Variants in ANKRD54 observed in about 807,000 individuals in gnomAD.
The protein encoded by ANKRD54 is ankyrin repeat domain 54, also known as ankyrin repeat domain-containing protein 54.
In ANKRD54, 26 loss-of-function variants were observed where a neutral mutation model predicts 36.2. That is an observed-to-expected ratio of 0.72 (90% CI 0.53 to 1.00). The LOEUF (loss-of-function observed/expected upper bound fraction) is 1.00, where lower values mean the gene tolerates loss of function less well. ANKRD54 is among the 50% of genes least tolerant of loss of function. The pLI is 0.00. For synonymous variants in ANKRD54, 209 were observed against 188.4 expected (o/e 1.11, Z -0.89); for missense variants, 384 against 424.3 (o/e 0.91, Z 0.83).
intron 3 of ANKRD54, among the ~76,000 whole-genome samples, chr22:37,837,724 C>T (rs1923725578): frequency 6.6e-6 from 1 of 152,220 alleles, no homozygotes; most frequent in Non-Finnish European, 1.5e-5. Flanking sequence ...TGCAGTGGCT[C>T]ACGCCTGTAA....
At position 37,833,067 on chromosome 22, in the gene ANKRD54, G is replaced by A. The variant is rs1322435236; in HGVS notation, c.611C>T (p.Ala204Val). The change falls in exon 6 of 8, where the codon GCC (alanine) becomes GTC (valine). Residue 204 changes from alanine to valine, a missense_variant. This residue lies in a region of ANKRD54 where 179 missense variants were observed against 224.0 expected (regional missense o/e 0.80). Transcript: ENST00000215941. ...TLLRGGARVD[A>V]LDRAGRTPLH... Reference sequence around the variant, plus strand: ...GGGTGTGCGACCAGCTCGGTCCAGGGCATCTACACGGGCCCCTGCAGGTAC... The same window carrying A: ...GGGTGTGCGACCAGCTCGGTCCAGGACATCTACACGGGCCCCTGCAGGTAC... The A allele has an allele frequency of 6.2e-7, 1 of 1,613,730 alleles. No individual in the cohort carries two copies. The highest frequency in any genetic ancestry group is 8.5e-7 in the Non-Finnish European group (1 of 1,179,880).
In ANKRD54 at chr22:37,831,753, G is replaced by T. The variant is rs770103583; in HGVS notation, c.*190C>A. The T allele has an allele frequency of 5.1e-6, 3 of 592,956 alleles. No homozygotes were observed. The highest frequency in any genetic ancestry group is 6.0e-6 in the Non-Finnish European group (2 of 334,062). 36.7% of individuals were successfully genotyped at this position (592,956 alleles called of 1,614,324 possible). A position where few individuals can be genotyped will look rare whatever the true frequency, so the allele number is the denominator to read the frequency against. On this transcript the variant is annotated 3_prime_UTR_variant, in exon 8 of 8. Coordinates refer to ENST00000215941, the MANE Select transcript of ANKRD54 (RefSeq NM_138797.4). ...GTGGTCCCTGTCCACAGAGATGCTG[G>T]AAACTGTGGCTGGGAGTGGCTCTGA...
Position 37,832,347 on chromosome 22 carries a change from T to G in ANKRD54, c.828+290A>C, listed in dbSNP as rs544136549. Among the ~76,000 whole-genome samples the G allele has an allele frequency of 4.0e-5, 6 of 151,852 alleles. No individual in the cohort carries two copies. In the East Asian group the frequency reaches 5.8e-4, roughly 15 times the overall value. ...AGGGCCTTGCTCTGGTTTTTTTTTT[T>G]GTTGTTTTTATAATTTTTGCCTTTT... is the stretch of plus-strand genomic sequence containing the variant. On this transcript the variant is annotated intron_variant, in intron 7 of 7. Coordinates refer to ENST00000215941, the MANE Select transcript of ANKRD54 (RefSeq NM_138797.4).
upstream of ANKRD54, chr22:37,847,810 C>T (rs1356082521): frequency 2.3e-6 from 1 of 432,044 alleles, no homozygotes; most frequent in East Asian, 6.5e-5. Context: ...TTTGTGTCAC[C>T]TCTGGTGACA....
chr22:37,841,879 AT>A (rs1404592151), intron 1 of ANKRD54, among the ~76,000 whole-genome samples: 2 of 19,620 alleles, frequency 1.0e-4, no homozygotes, highest in African/African-American at 8.6e-4. Context: ...AAATAAATAA[AT>A]AAATAAATAA....
At chr22:37,840,311 C>A (rs565924585) in intron 1 of ANKRD54, 77 bp from the exon 2 acceptor site, 1 of 1,516,718 alleles carries the variant, frequency 6.6e-7, no homozygotes, top group South Asian at 1.1e-5. Context: ...ATAATCCCAG[C>A]ACTCTGGGAG....
intron 1 of ANKRD54, 47 bp downstream of exon 1, chr22:37,843,863 CG>C (rs1336834751): frequency 8.5e-7 from 1 of 1,178,352 alleles, no homozygotes; most frequent in African/African-American, 1.6e-5. Flanking sequence ...CCCCGCCCCT[CG>C]CCCGGGCTGC....
chr22:37,838,585 C>G lies in ANKRD54; in HGVS notation c.390G>C (p.Leu130=). The G allele has an allele frequency of 6.2e-7, 1 of 1,610,104 alleles. No individual in the cohort carries two copies. Among genetic ancestry groups the G allele is most frequent in the Non-Finnish European group, 8.5e-7 (1 of 1,178,870 alleles). ...ANDVETVQQL[L]EDGADPCAAD... The stretch of plus-strand genomic sequence containing the variant: ...CTGCACAGGGATCCGCGCCATCTTC[C>G]AGCAGCTGCTGCACTGACACCACCA... The change falls in exon 3 of 8, where the codon CTG becomes CTC. Residue 130 remains leucine, a synonymous_variant. Transcript: ENST00000215941.
intron 1 of ANKRD54, 125 bp from the exon 2 acceptor site, chr22:37,840,359 C>T (rs1924074737): frequency 1.0e-6 from 1 of 996,422 alleles, no homozygotes; most frequent in Non-Finnish European, 1.5e-6. Context: ...GAGATCGAGA[C>T]CATCCTGGCT....
At chr22:37,836,141 G>T (rs1443685169) in intron 3 of ANKRD54, among the ~76,000 whole-genome samples, 1 of 146,602 alleles carries the variant, frequency 6.8e-6, no homozygotes, top group Non-Finnish European at 1.5e-5. Context: ...GGCAAAACTT[G>T]TTTTTAAAAA....
chr22:37,848,406 T>G (rs1409182852), upstream of ANKRD54: 1 of 152,170 alleles, frequency 6.6e-6, no homozygotes, highest in Non-Finnish European at 1.5e-5. Flanking sequence ...TTTTTTTCTT[T>G]TTTTTTTTAG....
At chr22:37,839,151 A>G (rs1424176745) in intron 2 of ANKRD54, among the ~76,000 whole-genome samples, 3 of 152,160 alleles carry the variant, frequency 2.0e-5, no homozygotes, top group African/African-American at 7.2e-5. Context: ...CTGGGATTAC[A>G]GGCGTGAGCC....
Position 37,844,095 on chromosome 22 carries a change from G to T in ANKRD54, c.144C>A (p.Gly48=). Residue 48 remains glycine (G), a synonymous_variant, in exon 1 of 8, where the codon GGC becomes GGA. Coordinates refer to ENST00000215941, the MANE Select transcript of ANKRD54 (RefSeq NM_138797.4). ...SFADFGSALG[G]GGAGLSGRAS... ...CCCGGCCCGAGAGGCCCGCGCCGCC[G>T]CCGCCCAGCGCAGACCCGAAGTCAG... is the stretch of plus-strand genomic sequence containing the variant. 6.9e-7 allele frequency: 1 copy of T among 1,453,158 alleles called. No individual in the cohort carries two copies. The highest frequency in any genetic ancestry group is 1.3e-5 in the South Asian group (1 of 74,884). The allele number at this position is 1,453,158 out of a possible 1,614,324, so 90.0% of individuals were successfully genotyped here.
upstream of ANKRD54, among the ~76,000 whole-genome samples, chr22:37,844,664 C>A (rs1439097259): frequency 6.6e-6 from 1 of 152,172 alleles, no homozygotes; most frequent in Admixed American, 6.5e-5. Flanking sequence ...ACCTCCGCCT[C>A]CTTGAAGCAA....
In ANKRD54 at chr22:37,844,086, C is replaced by T. The variant is rs1407992492; in HGVS notation, c.153G>A (p.Ala51=). The change falls in exon 1 of 8, where the codon GCG becomes GCA. Residue 51 remains alanine (A), a synonymous_variant. Transcript: ENST00000215941. ...CGCCGGACGCCCGGCCCGAGAGGCC[C>T]GCGCCGCCGCCGCCCAGCGCAGACC... The part of the protein sequence containing the change: ...DFGSALGGGG[A]GLSGRASGGA... 1.0e-5 allele frequency: 15 copies of T among 1,449,080 alleles called. No individual in the cohort carries two copies. In the Admixed American group the frequency reaches 2.9e-4, roughly 28 times the overall value. 89.8% of individuals were successfully genotyped at this position (1,449,080 alleles called of 1,614,324 possible).
Position 37,844,329 on chromosome 22 carries a change from C to T in ANKRD54, c.-91G>A. 1 of 1,421,342 alleles carries T rather than the reference C, an allele frequency of 7.0e-7. No homozygotes were observed. 88.0% of individuals were successfully genotyped at this position (1,421,342 alleles called of 1,614,324 possible). A position where few individuals can be genotyped will look rare whatever the true frequency, so the allele number is the denominator to read the frequency against. ...CCTCCGCCCTGAGTCGTGCTGTCAG[C>T]GAGCTGGCGGGCGGGCAGGGCCCGC... is the stretch of plus-strand genomic sequence containing the variant. On this transcript the variant is annotated 5_prime_UTR_variant, in exon 1 of 8. Transcript: ENST00000215941.
chr22:37,835,145 C>T (rs868777817), intron 3 of ANKRD54, among the ~76,000 whole-genome samples: 3 of 152,096 alleles, frequency 2.0e-5, no homozygotes, highest in Middle Eastern at 3.4e-3. Context: ...GGTGGATCAT[C>T]GGAGGTCAGG....
rs777677546 is a variant in ANKRD54, at chr22:37,833,639, T to C, written c.547+45A>G. ...CCACCCTCTTCATCTAAAGAGCCTT[T>C]CTTTGCTGCAAATGAGTTGTCTTAG... On this transcript the variant is annotated intron_variant, in intron 4 of 7. Transcript: ENST00000215941. 26 of 1,606,662 alleles carry C rather than the reference T, an allele frequency of 1.6e-5. No individual in the cohort carries two copies. In the African/African-American group the frequency reaches 2.8e-4, roughly 17 times the overall value.
rs74277641 is a variant in ANKRD54, at chr22:37,839,330, T to A, written c.377-732A>T. On this transcript the variant is annotated intron_variant, in intron 2 of 7. Transcript: ENST00000215941. Reference sequence around the variant, plus strand: ...TAACAGATTAGTTCCTTTGCGGACATGGATTTTTTCTTATATATTTCTCTA... The same window carrying A: ...TAACAGATTAGTTCCTTTGCGGACAAGGATTTTTTCTTATATATTTCTCTA... 6.2e-4 allele frequency among the ~76,000 whole-genome samples: 94 copies of A among 152,322 alleles called. 2 individuals are homozygous for A. The East Asian group carries it at 0.016, about 26-fold the overall frequency.
Sources: allele counts gnomAD v4.1 joint callset (sites outside exome capture counted in the v4.1 genomes callset), GRCh38; gene constraint gnomAD v4.1.1; regional missense constraint gnomAD v4.1.1; transcripts MANE v1.5; gene names NCBI Gene and HGNC (gene_info 2026-07-23, HGNC 2026-07-21).